Variants in CEP85L observed in about 807,000 individuals in gnomAD.
CEP85L encodes the protein centrosomal protein 85L, also known as centrosomal protein of 85 kDa-like.
Under a neutral mutation model 100.3 loss-of-function variants are expected in CEP85L, and 60 were observed. The observed-to-expected ratio is 0.60, with a 90% confidence interval of 0.49 to 0.74. The LOEUF (loss-of-function observed/expected upper bound fraction) is 0.74, where lower values mean the gene tolerates loss of function less well. Among genes scored for constraint, CEP85L ranks in the 30% least tolerant of loss-of-function variants. The pLI, the probability that CEP85L is intolerant of heterozygous loss-of-function variation, is 0.00. For synonymous variants in CEP85L, 319 were observed against 322.7 expected, an observed-to-expected ratio of 0.99 and a Z score of 0.12; for missense variants, 973 against 936.2, an observed-to-expected ratio of 1.04 and a Z score of -0.51.
At chr6:118,608,946 A>G (rs758548287) in intron 2 of CEP85L, among the ~76,000 whole-genome samples, 27 of 152,218 alleles carry the variant, frequency 1.8e-4, no homozygotes, top group Non-Finnish European at 1.0e-4. Context: ...TTAAATGCCC[A>G]TGGAGATCAA....
chr6:118,659,022 TAC>T (rs919378685), intron 1 of CEP85L, among the ~76,000 whole-genome samples: 4 of 152,124 alleles, frequency 2.6e-5, no homozygotes, highest in African/African-American at 9.7e-5. Context: ...AAAAAAATCT[TAC>T]AGACTTTTTT....
chr6:118,665,412 G>A (rs1225884888), intron 1 of CEP85L, among the ~76,000 whole-genome samples: 1 of 151,702 alleles, frequency 6.6e-6, no homozygotes, highest in African/African-American at 2.4e-5. Context: ...AGGCTGGATT[G>A]CAGTGGCTCA....
intron 1 of CEP85L, among the ~76,000 whole-genome samples, chr6:118,687,466 G>C (rs370326449): frequency 1.3e-5 from 2 of 152,172 alleles, no homozygotes; most frequent in African/African-American, 2.4e-5. Context: ...CTTTAAACAC[G>C]GGGCTTGCAA....
chr6:118,606,219 C>CAA (rs1362266184), intron 2 of CEP85L, among the ~76,000 whole-genome samples: 2 of 152,168 alleles, frequency 1.3e-5, no homozygotes, highest in East Asian at 3.8e-4. Flanking sequence ...CAAATCCTTT[C>CAA]AGATCTCTTA....
At position 118,563,990 on chromosome 6, in the gene CEP85L, A is replaced by C. The variant is rs150907027; in HGVS notation, c.1020+1539T>G. Among the ~76,000 whole-genome samples, 57 of 152,260 alleles carry C rather than the reference A, an allele frequency of 3.7e-4. 1 individual carries two copies. In the Middle Eastern group the frequency reaches 0.01, roughly 27 times the overall value. On this transcript the variant is annotated intron_variant, in intron 3 of 12. Transcript: ENST00000368491. ...AAAGCGCTATAAAGAGACCATCCCA[A>C]ATAAAGTTAATCAAGAAGTAGGGCT...
chr6:118,682,394 AATTC>A (rs1258649104), intron 1 of CEP85L, among the ~76,000 whole-genome samples: 2 of 152,108 alleles, frequency 1.3e-5, no homozygotes, highest in African/African-American at 4.8e-5. Context: ...CAGGCTTACT[AATTC>A]ATTGCTTTCT....
chr6:118,472,152 TAA>T (rs1234227830), intron 10 of CEP85L, among the ~76,000 whole-genome samples: 1 of 151,376 alleles, frequency 6.6e-6, no homozygotes, highest in Non-Finnish European at 1.5e-5. Context: ...CTTTAAAAGA[TAA>T]GAGTTTTATA....
chr6:118,563,665 A>C (rs1317718183), intron 3 of CEP85L, among the ~76,000 whole-genome samples: 1 of 152,086 alleles, frequency 6.6e-6, no homozygotes, highest in African/African-American at 2.4e-5. Context: ...TGCCCAGGCT[A>C]GTCTCAAACT....
At chr6:118,500,116 C>T (rs1312738403) in intron 5 of CEP85L, among the ~76,000 whole-genome samples, 2 of 151,346 alleles carry the variant, frequency 1.3e-5, no homozygotes, top group Non-Finnish European at 2.9e-5. Flanking sequence ...GCCTAGGCAA[C>T]ATAGTGAGAC....
At chr6:118,596,868 T>C (rs551414379) in intron 2 of CEP85L, among the ~76,000 whole-genome samples, 1 of 152,300 alleles carries the variant, frequency 6.6e-6, no homozygotes, top group East Asian at 1.9e-4. Context: ...CCTAGAACTA[T>C]TTGCCCTTTG....
chr6:118,587,680 G>A (rs551514365), intron 2 of CEP85L, among the ~76,000 whole-genome samples: 20 of 152,218 alleles, frequency 1.3e-4, no homozygotes, highest in African/African-American at 3.9e-4. Context: ...ATCTGAGGGC[G>A]AACTGAAGAC....
At chr6:118,474,911 G>A (rs1421963782) in intron 10 of CEP85L, among the ~76,000 whole-genome samples, 2 of 152,196 alleles carry the variant, frequency 1.3e-5, no homozygotes, top group African/African-American at 4.8e-5. Context: ...GAAAAACAGT[G>A]AGATAGCTGG....
chr6:118,490,889 A>G (rs2114602848), intron 6 of CEP85L, among the ~76,000 whole-genome samples: 1 of 152,294 alleles, frequency 6.6e-6, no homozygotes, highest in Non-Finnish European at 1.5e-5. Context: ...AATAATCAAA[A>G]AGCACACACA....
intron 2 of CEP85L, among the ~76,000 whole-genome samples, chr6:118,625,815 C>T (rs531136097): frequency 9.1e-4 from 138 of 152,276 alleles, no homozygotes; most frequent in African/African-American, 3.2e-3. Context: ...TGCTATCACT[C>T]GCCTTCGGTC....
At chr6:118,554,929 G>A (rs9481825) in intron 3 of CEP85L, among the ~76,000 whole-genome samples, 25,305 of 152,106 alleles carry the variant, frequency 0.17, 2,252 homozygotes, top group Non-Finnish European at 0.19. Flanking sequence ...CAGTGTCAAC[G>A]TAGGGGATGA....
At chr6:118,585,951 G>T (rs997925405) in intron 2 of CEP85L, among the ~76,000 whole-genome samples, 6 of 152,130 alleles carry the variant, frequency 3.9e-5, no homozygotes, top group African/African-American at 1.4e-4. Context: ...TTTCCATGTT[G>T]TACAGAAAAA....
chr6:118,581,739 G>C (rs928439646), intron 2 of CEP85L, among the ~76,000 whole-genome samples: 4 of 152,092 alleles, frequency 2.6e-5, no homozygotes, highest in Non-Finnish European at 2.9e-5. Context: ...ATGGCCAACA[G>C]ATCGTCTTCA....
intron 2 of CEP85L, among the ~76,000 whole-genome samples, chr6:118,612,566 G>T (rs1195345757): frequency 6.6e-6 from 1 of 150,482 alleles, no homozygotes; most frequent in Non-Finnish European, 1.5e-5. Flanking sequence ...GGAGGCTGAG[G>T]CAGGAGAATG....
intron 2 of CEP85L, among the ~76,000 whole-genome samples, chr6:118,614,855 G>GACAA (rs1189185184): frequency 6.3e-5 from 9 of 143,200 alleles, no homozygotes; most frequent in Non-Finnish European, 1.2e-4. Flanking sequence ...TTCATAGACA[G>GACAA]ACAGACAGAC....
Sources: gnomAD v4.1 joint callset for allele counts (sites outside exome capture counted in the v4.1 genomes callset) on GRCh38, gnomAD v4.1.1 for gene constraint, MANE v1.5 for transcripts, NCBI Gene and HGNC (gene_info 2026-07-23, HGNC 2026-07-21) for gene names.